Variants in CABP1 observed in about 807,000 individuals in gnomAD.
CABP1 encodes calcium-binding protein 1.
CABP1 carries 17 observed loss-of-function variants against 34.3 expected under a neutral mutation model. That is an observed-to-expected ratio of 0.50 (90% CI 0.34 to 0.74). The LOEUF is 0.74. Ranked by LOEUF, CABP1 falls within the 30% of genes least tolerant of loss-of-function variation. The probability of loss-of-function intolerance (pLI) is 0.01; values close to 1 mark genes in which losing one functional copy is unlikely to be tolerated. For synonymous variants in CABP1, 198 were observed against 229.2 expected (o/e 0.86, Z 1.23); for missense variants, 373 against 511.1 (o/e 0.73, Z 2.61).
rs1879302807 is a variant in CABP1, at chr12:120,641,180, C to T, written c.495C>T (p.Ala165=). 8.1e-7 allele frequency: 1 copy of T among 1,241,408 alleles called. No individual in the cohort carries two copies. The highest frequency in any genetic ancestry group is 1.6e-5 in the African/African-American group (1 of 64,260). The allele number at this position is 1,241,408 out of a possible 1,614,324, so 76.9% of individuals were successfully genotyped here. The part of the protein sequence containing the change: ...RPSPSSPLPP[A]RGRDGEERGL... ...CGCCGTCGTCGCCGCTGCCGCCGGC[C>T]CGCGGGCGGGATGGGGAGGAACGGG... is the stretch of plus-strand genomic sequence containing the variant. Residue 165 remains alanine (A), a synonymous_variant, in exon 1 of 6, where the codon GCC becomes GCT. Transcript: ENST00000316803. This position sits in a 1 kb window ranked among gnomAD's most constrained non-coding sequence, Gnocchi z 6.7.
In CABP1 at chr12:120,647,560, CTTTTTTTTTTTTT is replaced by C. The variant is rs10557275; in HGVS notation, c.654+6234_654+6246del. Among the ~76,000 whole-genome samples, 6 of 75,660 alleles carry C rather than the reference CTTTTTTTTTTTTT, an allele frequency of 7.9e-5. No individual in the cohort carries two copies. In the East Asian group the frequency reaches 1.9e-3, roughly 24 times the overall value. The allele number at this position is 75,660 out of a possible 152,430, so 49.6% of individuals were successfully genotyped here. A position where few individuals can be genotyped will look rare whatever the true frequency, so the allele number is the denominator to read the frequency against. On this transcript the variant is annotated intron_variant, in intron 1 of 5. Transcript: ENST00000316803. ...GTCAGCGTGACTCCTCAGTCCAAGC[CTTTTTTTTTTTTT>C]TTTTTTTTTTTTGAGATGAAGTCTC... is the stretch of plus-strand genomic sequence containing the variant.
Position 120,661,427 on chromosome 12 carries a change from A to G in CABP1, c.1087+209A>G. 1.8e-6 allele frequency: 1 copy of G among 558,244 alleles called. No homozygotes were observed. Among genetic ancestry groups the G allele is most frequent in the Non-Finnish European group, 3.2e-6 (1 of 316,016 alleles). The allele number at this position is 558,244 out of a possible 1,614,324, so 34.6% of individuals were successfully genotyped here. A position where few individuals can be genotyped will look rare whatever the true frequency, so the allele number is the denominator to read the frequency against. ...TATTCATGCATCTGTCCATCCATCT[A>G]TCCATCCTCTACCTTTCCATTCATC... On this transcript the variant is annotated intron_variant, in intron 5 of 5. Transcript: ENST00000316803. This position sits in a 1 kb window ranked among gnomAD's most constrained non-coding sequence, Gnocchi z 5.1.
At position 120,655,857 on chromosome 12, in the gene CABP1, G is replaced by A. The variant is rs1268019819; in HGVS notation, c.655-4021G>A. On this transcript the variant is annotated intron_variant, in intron 1 of 5. Transcript: ENST00000316803. ...TGTGTGTGTGTGTGTGTGTGCGCAT[G>A]TGCCACACAGAGGGCATCACATTCA... 5 of 1,535,228 alleles carry A rather than the reference G, an allele frequency of 3.3e-6. No homozygotes were observed. The Admixed American group carries it at 5.9e-5, about 18-fold the overall frequency.
the CABP1 span, among the ~76,000 whole-genome samples, chr12:120,677,174 G>T: frequency 7.0e-6 from 1 of 142,924 alleles, no homozygotes; most frequent in African/African-American, 2.6e-5. Flanking sequence ...TGCAACCTCC[G>T]CCTCCCGGGC....
At chr12:120,670,566 G>C (rs1434723136), downstream of CABP1, among the ~76,000 whole-genome samples, 5 of 152,098 alleles carry the variant, frequency 3.3e-5, no homozygotes, top group Non-Finnish European at 5.9e-5. Context: ...TGACCAACAT[G>C]GTGAAACTCC....
chr12:120,650,324 G>A, intron 1 of CABP1: 1 of 471,106 alleles, frequency 2.1e-6, no homozygotes, highest in Admixed American at 4.0e-5. Flanking sequence ...TCTGCCATCA[G>A]CTCTCCAGGT....
In CABP1 at chr12:120,660,991, G is replaced by A; in HGVS notation, c.940-80G>A. The A allele has an allele frequency of 6.5e-7, 1 of 1,527,292 alleles. No homozygotes were observed. Among genetic ancestry groups the A allele is most frequent in the Non-Finnish European group, 9.0e-7 (1 of 1,116,636 alleles). The allele number at this position is 1,527,292 out of a possible 1,614,324, so 94.6% of individuals were successfully genotyped here. ...CTGGTAAAGGGGGGCAATGACACTG[G>A]AGAAGGAGCTCAACTTTGGGATCTG... On this transcript the variant is annotated intron_variant, in intron 4 of 5. Coordinates refer to ENST00000316803, the MANE Select transcript of CABP1 (RefSeq NM_001033677.2). The surrounding 1 kb of genome is among the most constrained non-coding windows in gnomAD (Gnocchi z 5.0).
At chr12:120,655,461 T>C in intron 1 of CABP1, 2 of 901,294 alleles carry the variant, frequency 2.2e-6, no homozygotes, top group Non-Finnish European at 2.7e-6. Flanking sequence ...TGTTTCCACT[T>C]TGCCCCAGTC....
Position 120,641,496 on chromosome 12 carries a change from C to A in CABP1, c.654+157C>A. 1 of 756,126 alleles carries A rather than the reference C, an allele frequency of 1.3e-6. No individual in the cohort carries two copies. The highest frequency in any genetic ancestry group is 1.8e-6 in the Non-Finnish European group (1 of 554,246). The allele number at this position is 756,126 out of a possible 1,614,324, so 46.8% of individuals were successfully genotyped here. ...CCCCGGGCCGGCGCCCTTGCCGGCA[C>A]TCCTCCTCCCCGTGCCTGATTCAGC... On this transcript the variant is annotated intron_variant, in intron 1 of 5. Transcript: ENST00000316803. The surrounding 1 kb of genome is among the most constrained non-coding windows in gnomAD (Gnocchi z 6.7).
At chr12:120,644,576 T>C (rs1449420238) in intron 1 of CABP1, among the ~76,000 whole-genome samples, 1 of 152,194 alleles carries the variant, frequency 6.6e-6, no homozygotes, top group Non-Finnish European at 1.5e-5. Flanking sequence ...TACCCTGAGC[T>C]TGAGAAGAAA....
At chr12:120,673,840 T>C in the CABP1 span, among the ~76,000 whole-genome samples, 1 of 152,302 alleles carries the variant, frequency 6.6e-6, no homozygotes, top group Admixed American at 6.5e-5. Flanking sequence ...AAACAAATTA[T>C]TCTATGTGAA....
At chr12:120,674,509 C>T in the CABP1 span, among the ~76,000 whole-genome samples, 1 of 152,242 alleles carries the variant, frequency 6.6e-6, no homozygotes, top group South Asian at 2.1e-4. Context: ...CTGCTTGCTT[C>T]TGCACTCCAG....
intron 1 of CABP1, among the ~76,000 whole-genome samples, chr12:120,651,040 G>A (rs1440967045): frequency 1.3e-5 from 2 of 152,280 alleles, no homozygotes; most frequent in Admixed American, 6.5e-5. Flanking sequence ...CCTTAAAACC[G>A]GCAGAATCTG....
Position 120,659,921 on chromosome 12 carries a change from C to T in CABP1, c.685+13C>T, listed in dbSNP as rs373172687. On this transcript the variant is annotated intron_variant, in intron 2 of 5. Coordinates refer to ENST00000316803, the MANE Select transcript of CABP1 (RefSeq NM_001033677.2). ...GAGGAAATTGAAGGTAAAACTTGGC[C>T]CCTTGGGGGAAAGGACTGCCTAGCC... 454 of 1,613,398 alleles carry T rather than the reference C, an allele frequency of 2.8e-4. 1 individual carries two copies. The highest frequency in any genetic ancestry group is 3.7e-4 in the Non-Finnish European group (440 of 1,179,580).
intron 1 of CABP1, chr12:120,656,248 G>A (rs749371264): frequency 7.6e-6 from 12 of 1,568,666 alleles, no homozygotes; most frequent in Non-Finnish European, 1.0e-5. Flanking sequence ...TCCTGCGCAA[G>A]GGCTTCGCTG....
intron 5 of CABP1, among the ~76,000 whole-genome samples, chr12:120,665,926 G>A (rs1198579189): frequency 1.3e-5 from 2 of 151,462 alleles, no homozygotes; most frequent in East Asian, 1.9e-4. Context: ...GCTGAGGCAG[G>A]AGAATGGCGT....
At chr12:120,642,049 G>A (rs2137324298) in intron 1 of CABP1, among the ~76,000 whole-genome samples, 1 of 152,214 alleles carries the variant, frequency 6.6e-6, no homozygotes, top group East Asian at 1.9e-4. Context: ...CCAGGCACCT[G>A]GGAGCCTGCC....
rs1232177490 is a variant in CABP1, at chr12:120,659,764, AT to A, written c.655-113del. 7 of 894,056 alleles carry A rather than the reference AT, an allele frequency of 7.8e-6. No homozygotes were observed. In the African/African-American group the frequency reaches 1.2e-4, roughly 15 times the overall value. 55.4% of individuals were successfully genotyped at this position (894,056 alleles called of 1,614,324 possible). ...CCTGATCCAGGCACACCTGTGCTGC[AT>A]CCTCGTCACCTCCTACCCAGTGCCT... is the stretch of plus-strand genomic sequence containing the variant. On this transcript the variant is annotated intron_variant, in intron 1 of 5. Coordinates refer to ENST00000316803, the MANE Select transcript of CABP1 (RefSeq NM_001033677.2).
At position 120,661,473 on chromosome 12, in the gene CABP1, C is replaced by T. The variant is rs552166813; in HGVS notation, c.1087+255C>T. 35 of 453,448 alleles carry T rather than the reference C, an allele frequency of 7.7e-5. No homozygotes were observed. Among genetic ancestry groups the T allele is most frequent in the African/African-American group, 6.9e-4 (35 of 50,694 alleles). The allele number at this position is 453,448 out of a possible 1,614,324, so 28.1% of individuals were successfully genotyped here. ...TCATCTGTCCATTTATCCATCCATT[C>T]ATCTACCTATCTATCCATCTGTCCA... On this transcript the variant is annotated intron_variant, in intron 5 of 5. Coordinates refer to ENST00000316803, the MANE Select transcript of CABP1 (RefSeq NM_001033677.2). This position sits in a 1 kb window ranked among gnomAD's most constrained non-coding sequence, Gnocchi z 5.1.
Sources: gnomAD v4.1 joint callset for allele counts (sites outside exome capture counted in the v4.1 genomes callset) on GRCh38, gnomAD v4.1.1 for gene constraint, Gnocchi (gnomAD v3.1) non-coding constraint, MANE v1.5 for transcripts, NCBI Gene and HGNC (gene_info 2026-07-23, HGNC 2026-07-21) for gene names.